The following KCTD16 variants were observed in gnomAD, a reference collection of about 807,000 sequenced individuals.
KCTD16 encodes BTB/POZ domain-containing protein KCTD16.
A neutral mutation model predicts 33.2 loss-of-function variants in KCTD16; 13 were observed. The observed-to-expected ratio is 0.39, with a 90% CI of 0.25 to 0.62. The LOEUF is 0.62. Among genes scored for constraint, KCTD16 ranks in the 20% least tolerant of loss-of-function variants. KCTD16 has a pLI of 0.50. For synonymous variants in KCTD16, 197 were observed against 195.3 expected (o/e 1.01, Z -0.07); for missense variants, 441 against 525.1 (o/e 0.84, Z 1.57).
chr5:144,360,411 C>T (rs1318788045), intron 3 of KCTD16, among the ~76,000 whole-genome samples: 1 of 151,866 alleles, frequency 6.6e-6, no homozygotes, highest in African/African-American at 2.4e-5. Context: ...TCATCCATGT[C>T]CCTGCAAAAG....
intron 3 of KCTD16, among the ~76,000 whole-genome samples, chr5:144,472,734 T>G (rs978608669): frequency 1.5e-4 from 23 of 152,146 alleles, no homozygotes; most frequent in Admixed American, 8.5e-4. Flanking sequence ...TATAACAAAA[T>G]GTAACATGTG....
rs1462535119 is a variant in KCTD16, at chr5:144,484,788, A to G, written c.*10674A>G. ...TCAGTTTGTTGCACATTGATGAATA[A>G]CAAGTGACACCCAATGAAATTACCT... is the stretch of plus-strand genomic sequence containing the variant. On this transcript the variant is annotated 3_prime_UTR_variant, in exon 4 of 4. Coordinates refer to ENST00000512467, the MANE Select transcript of KCTD16 (RefSeq NM_020768.4). The G allele has an allele frequency of 1.3e-5, 2 of 152,020 alleles. No homozygotes were observed. Among genetic ancestry groups the G allele is most frequent in the African/African-American group, 4.8e-5 (2 of 41,434 alleles). The allele number at this position is 152,020 out of a possible 1,614,324, so 9.4% of individuals were successfully genotyped here. A position where few individuals can be genotyped will look rare whatever the true frequency, so the allele number is the denominator to read the frequency against.
chr5:144,271,470 A>T (rs1009369795), intron 3 of KCTD16, among the ~76,000 whole-genome samples: 1 of 152,022 alleles, frequency 6.6e-6, no homozygotes, highest in Non-Finnish European at 1.5e-5. Flanking sequence ...TCAAAACATT[A>T]AAAAAACTAA....
chr5:144,485,681 G>C lies in KCTD16; in HGVS notation c.*11567G>C, dbSNP rs1259765536. 1 of 151,768 alleles carries C rather than the reference G, an allele frequency of 6.6e-6. No individual in the cohort carries two copies. The highest frequency in any genetic ancestry group is 1.5e-5 in the Non-Finnish European group (1 of 67,876). 9.4% of individuals were successfully genotyped at this position (151,768 alleles called of 1,614,324 possible). A position where few individuals can be genotyped will look rare whatever the true frequency, so the allele number is the denominator to read the frequency against. ...AGCACAAATCATAATAAATCATTTG[G>C]TAACATTTAGTTGTTATATATATCT... On this transcript the variant is annotated 3_prime_UTR_variant, in exon 4 of 4. Transcript: ENST00000512467.
intron 3 of KCTD16, among the ~76,000 whole-genome samples, chr5:144,382,101 A>G (rs772105244): frequency 4.6e-5 from 7 of 152,176 alleles, no homozygotes; most frequent in Non-Finnish European, 8.8e-5. Context: ...TTGCAGCAAC[A>G]TGGATGTAGC....
At chr5:144,208,389 C>T (rs369750345) in intron 3 of KCTD16, among the ~76,000 whole-genome samples, 116 of 152,262 alleles carry the variant, frequency 7.6e-4, no homozygotes, top group African/African-American at 2.7e-3. Context: ...CTGCAGATTC[C>T]TCATTTTATG....
chr5:144,394,789 A>G (rs1020364314), intron 3 of KCTD16, among the ~76,000 whole-genome samples: 1 of 152,204 alleles, frequency 6.6e-6, no homozygotes, highest in Non-Finnish European at 1.5e-5. Context: ...ACCTTCTGCC[A>G]TGATTGTAAG....
intron 2 of KCTD16, among the ~76,000 whole-genome samples, chr5:144,176,682 G>T (rs150775272): frequency 0.18 from 27,329 of 151,946 alleles, 2,600 homozygotes; most frequent in East Asian, 0.36. Context: ...GATTACAGGC[G>T]TGAGCCACCG....
At position 144,325,405 on chromosome 5, in the gene KCTD16, G is replaced by A. The variant is rs552407930; in HGVS notation, c.832+117859G>A. 1.4e-4 allele frequency among the ~76,000 whole-genome samples: 22 copies of A among 152,174 alleles called. 1 individual carries two copies. Among genetic ancestry groups the A allele is most frequent in the Middle Eastern group, 3.4e-3 (1 of 294 alleles). ...TGATTTCCCATTGCTCCCAGGATAC[G>A]GTCTAATTCTTCAACAGGAATCAAA... On this transcript the variant is annotated intron_variant, in intron 3 of 3. Coordinates refer to ENST00000512467, the MANE Select transcript of KCTD16 (RefSeq NM_020768.4).
At chr5:144,451,784 C>T (rs1464178774) in intron 3 of KCTD16, among the ~76,000 whole-genome samples, 2 of 152,036 alleles carry the variant, frequency 1.3e-5, no homozygotes, top group African/African-American at 4.8e-5. Flanking sequence ...ATTGCATTTC[C>T]TGAGGCAATT....
chr5:144,427,315 G>A (rs1233234490), intron 3 of KCTD16, among the ~76,000 whole-genome samples: 1 of 152,056 alleles, frequency 6.6e-6, no homozygotes, highest in Non-Finnish European at 1.5e-5. Context: ...TCAAGGGCTA[G>A]CCTCAATCAA....
At chr5:144,424,501 AC>A (rs1753279938) in intron 3 of KCTD16, among the ~76,000 whole-genome samples, 1 of 152,162 alleles carries the variant, frequency 6.6e-6, no homozygotes, top group East Asian at 1.9e-4. Flanking sequence ...AGCAGTTTGC[AC>A]TGGCTATTGC....
intron 2 of KCTD16, among the ~76,000 whole-genome samples, chr5:144,189,042 AATG>A (rs1480854020): frequency 3.3e-5 from 5 of 152,236 alleles, no homozygotes; most frequent in African/African-American, 4.8e-5. Flanking sequence ...AATAAATAAC[AATG>A]ATATCAAAGG....
chr5:144,450,250 A>G (rs1358501787), intron 3 of KCTD16, among the ~76,000 whole-genome samples: 1 of 152,068 alleles, frequency 6.6e-6, no homozygotes, highest in Non-Finnish European at 1.5e-5. Flanking sequence ...ACAATGAGAG[A>G]TCACCTCACA....
chr5:144,323,136 C>T lies in KCTD16; in HGVS notation c.832+115590C>T, dbSNP rs558055025. Among the ~76,000 whole-genome samples the T allele has an allele frequency of 3.9e-5, 6 of 152,208 alleles. No individual in the cohort carries two copies. In the South Asian group the frequency reaches 1.2e-3, roughly 32 times the overall value. On this transcript the variant is annotated intron_variant, in intron 3 of 3. Coordinates refer to ENST00000512467, the MANE Select transcript of KCTD16 (RefSeq NM_020768.4). ...ACTGCAAATGCAAACTAAGACTGTT[C>T]CAGAGCCACTGAGACTGATAGTGTG...
At chr5:144,363,917 A>G (rs1442546372) in intron 3 of KCTD16, among the ~76,000 whole-genome samples, 1 of 152,188 alleles carries the variant, frequency 6.6e-6, no homozygotes, top group Non-Finnish European at 1.5e-5. Flanking sequence ...AATTTTGGGT[A>G]GTAGTCAAGG....
intron 3 of KCTD16, among the ~76,000 whole-genome samples, chr5:144,233,367 A>T (rs764218560): frequency 6.6e-6 from 1 of 152,060 alleles, no homozygotes; most frequent in Non-Finnish European, 1.5e-5. Context: ...TGAAATCTAT[A>T]CTGTGAGGGC....
chr5:144,423,679 T>C (rs1447707424), intron 3 of KCTD16, among the ~76,000 whole-genome samples: 1 of 152,150 alleles, frequency 6.6e-6, no homozygotes, highest in Non-Finnish European at 1.5e-5. Context: ...TGAATTAAGA[T>C]GGAAAAACCT....
intron 3 of KCTD16, among the ~76,000 whole-genome samples, chr5:144,420,281 C>A (rs1753179490): frequency 6.6e-6 from 1 of 151,910 alleles, no homozygotes; most frequent in Admixed American, 6.6e-5. Flanking sequence ...TGAACTAAGG[C>A]AAGAGTAACG....
Sources: allele counts gnomAD v4.1 joint callset (sites outside exome capture counted in the v4.1 genomes callset), GRCh38; gene constraint gnomAD v4.1.1; transcripts MANE v1.5; gene names NCBI Gene and HGNC (gene_info 2026-07-23, HGNC 2026-07-21).